RPAP1: variants seen among roughly 807,000 people sequenced by gnomAD.
RPAP1 encodes RNA polymerase II-associated protein 1.
Under a neutral mutation model 142.4 loss-of-function variants are expected in RPAP1, and 109 were observed. The ratio of observed to expected loss-of-function variants is 0.77; its 90% CI spans 0.66 to 0.90. The LOEUF (loss-of-function observed/expected upper bound fraction) is 0.90. Ranked by LOEUF, RPAP1 falls within the 40% of genes least tolerant of loss-of-function variation. RPAP1 has a pLI of 0.00. For missense variants in RPAP1, 1,546 were observed against 1,751.7 expected (o/e 0.88, Z 2.10); for synonymous variants, 704 against 738.9 (o/e 0.95, Z 0.77).
chr15:41,538,628 T>C (rs2051939139), intron 1 of RPAP1, among the ~76,000 whole-genome samples: 1 of 152,244 alleles, frequency 6.6e-6, no homozygotes, highest in South Asian at 2.1e-4. Context: ...TTATGTACTT[T>C]TTAAACTTGT....
chr15:41,543,366 C>T (rs1267393160), intron 1 of RPAP1, among the ~76,000 whole-genome samples: 1 of 151,890 alleles, frequency 6.6e-6, no homozygotes, highest in Non-Finnish European at 1.5e-5. Flanking sequence ...CCTGCCACCA[C>T]GCCCGGCTAA....
chr15:41,523,998 AGTG>A (rs746038259), intron 16 of RPAP1, 26 bp from the exon 17 acceptor site: 1 of 1,613,224 alleles, frequency 6.2e-7, no homozygotes, highest in South Asian at 1.1e-5. Context: ...AGGGTGCCAC[AGTG>A]AGGATCTGGC....
rs1205126423 is a variant in RPAP1 at position 41,520,944 on chromosome 15, A to G, written c.3242T>C (p.Leu1081Pro). ...CAGTAGCAGGGTTGGGACTCGCTGT[A>G]GCTCCCCTCGGTGCAGAGCCTGGGA... ...LASQALHRGELQRVPTLLLPM... is the reference protein window; with the variant it reads ...LASQALHRGEPQRVPTLLLPM... Residue 1081 changes from leucine (L) to proline (P), a missense_variant, in exon 22 of 25, where the codon CTA (leucine) becomes CCA (proline). Leu to Pro is a moderately conservative substitution (Grantham distance 98). This residue lies in a region of RPAP1 where 1,333 missense variants were observed against 1,486.6 expected (regional missense o/e 0.90). Coordinates refer to ENST00000304330, the MANE Select transcript of RPAP1 (RefSeq NM_015540.4). The G allele has an allele frequency of 6.2e-7, 1 of 1,612,138 alleles. No homozygotes were observed. The highest frequency in any genetic ancestry group is 8.5e-7 in the Non-Finnish European group (1 of 1,179,106).
rs2051728209 is a variant in RPAP1, at chr15:41,521,772, G to A, written c.3004C>T (p.Leu1002=). The A allele has an allele frequency of 1.9e-6, 3 of 1,614,206 alleles. No individual in the cohort carries two copies. The highest frequency in any genetic ancestry group is 1.1e-5 in the South Asian group (1 of 91,084). The change falls in exon 21 of 25, where the codon CTG becomes TTG. Residue 1002 remains leucine (L), a synonymous_variant. Coordinates refer to ENST00000304330, the MANE Select transcript of RPAP1 (RefSeq NM_015540.4). Reference sequence around the variant, plus strand: ...TCCAGCCGGAATACACAGCTCAGCAGCAGCTCATGGGTGAGGTACTCACTT... The same window carrying A: ...TCCAGCCGGAATACACAGCTCAGCAACAGCTCATGGGTGAGGTACTCACTT... ...PGSEYLTHEL[L]LSCVFRLEFL... is the part of the protein sequence containing the mutation.
chr15:41,543,182 G>A (rs2051987224), intron 1 of RPAP1, among the ~76,000 whole-genome samples: 1 of 150,000 alleles, frequency 6.7e-6, no homozygotes, highest in Non-Finnish European at 1.5e-5. Context: ...GCGAAATTAG[G>A]CAAATTATCA....
chr15:41,536,154 A>AC lies in RPAP1; in HGVS notation c.394dup (p.Val132GlyfsTer17). 1 of 1,614,158 alleles carries AC rather than the reference A, an allele frequency of 6.2e-7. No homozygotes were observed. Among genetic ancestry groups the AC allele is most frequent in the Non-Finnish European group, 8.5e-7 (1 of 1,180,006 alleles). On this transcript the variant is annotated frameshift_variant, in exon 4 of 25. Transcript: ENST00000304330. LOFTEE classifies it high-confidence loss of function. Reference sequence around the variant, plus strand: ...CTGTGTGTCCCGCGAGCGAAGGAACACAGCAGGGAAAGCAACACCACTGGG... The same window carrying AC: ...CTGTGTGTCCCGCGAGCGAAGGAACACCAGCAGGGAAAGCAACACCACTGGG...
At chr15:41,518,412 G>A in intron 22 of RPAP1, 1 of 431,770 alleles carries the variant, frequency 2.3e-6, no homozygotes, top group Non-Finnish European at 4.1e-6. Context: ...GCCATGTGTA[G>A]TGGGCCACGC....
chr15:41,534,885 G>A lies in RPAP1; in HGVS notation c.592C>T (p.Pro198Ser), dbSNP rs868197966. 6.2e-7 allele frequency: 1 copy of A among 1,614,078 alleles called. No homozygotes were observed. Among genetic ancestry groups the A allele is most frequent in the Non-Finnish European group, 8.5e-7 (1 of 1,180,036 alleles). Residue 198 changes from proline (P) to serine (S), a missense_variant, in exon 6 of 25, where the codon CCT becomes TCT. By Grantham distance (74) the Pro-to-Ser change is moderately conservative (BLOSUM62 -1). This residue lies in a region of RPAP1 where 1,333 missense variants were observed against 1,486.6 expected (regional missense o/e 0.90). Transcript: ENST00000304330. ...CCCTGAAAGCTGTGGCTGCTCCCAG[G>A]AAGCTGGCAGCCCTGGTTCCTAGGA... is the stretch of plus-strand genomic sequence containing the variant. ...PTPRNQGCQL[P>S]GSSHSFQGPN... is the part of the protein sequence containing the mutation.
In RPAP1 at chr15:41,523,368, G is replaced by A; in HGVS notation, c.2437-14C>T. ...GCATGAGCTTGGCTGGTGGACCAAGGAATTCACTGAGCTGATGGCCCAGCC... is the reference window on the plus strand; with the variant it reads ...GCATGAGCTTGGCTGGTGGACCAAGAAATTCACTGAGCTGATGGCCCAGCC... On this transcript the variant is annotated splice_polypyrimidine_tract_variant and intron_variant, in intron 17 of 24. Coordinates refer to ENST00000304330, the MANE Select transcript of RPAP1 (RefSeq NM_015540.4). 1 of 1,505,408 alleles carries A rather than the reference G, an allele frequency of 6.6e-7. No individual in the cohort carries two copies. Among genetic ancestry groups the A allele is most frequent in the South Asian group, 1.2e-5 (1 of 84,552 alleles). 93.3% of individuals were successfully genotyped at this position (1,505,408 alleles called of 1,614,324 possible). A position where few individuals can be genotyped will look rare whatever the true frequency, so the allele number is the denominator to read the frequency against.
intron 10 of RPAP1, 91 bp from the exon 11 acceptor site, chr15:41,528,118 G>A: frequency 1.3e-6 from 2 of 1,536,122 alleles, no homozygotes; most frequent in Admixed American, 1.9e-5. Flanking sequence ...ATGATCCTAG[G>A]TTGTTAAAAG....
At chr15:41,542,606 T>G (rs2051980957) in intron 1 of RPAP1, among the ~76,000 whole-genome samples, 1 of 152,226 alleles carries the variant, frequency 6.6e-6, no homozygotes, top group Non-Finnish European at 1.5e-5. Context: ...GTAAACAGTA[T>G]GAAAATGGAC....
At chr15:41,517,726 ATGAGATCCTGTTGTGGTCTC>A in intron 24 of RPAP1, 35 bp from the exon 25 acceptor site, 8 of 1,613,862 alleles carry the variant, frequency 5.0e-6, no homozygotes, top group Non-Finnish European at 6.8e-6. Flanking sequence ...GAAGTGGGTA[ATGAGATCCTGTTGTGGTCTC>A]TGTCCCCCAA....
rs768364637 is a variant in RPAP1, at chr15:41,524,268, G to A, written c.2076-14C>T. 8.6e-6 allele frequency: 13 copies of A among 1,512,046 alleles called. No individual in the cohort carries two copies. Among genetic ancestry groups the A allele is most frequent in the Non-Finnish European group, 1.2e-5 (13 of 1,130,178 alleles). 93.7% of individuals were successfully genotyped at this position (1,512,046 alleles called of 1,614,324 possible). A position where few individuals can be genotyped will look rare whatever the true frequency, so the allele number is the denominator to read the frequency against. ...GGGTAGAGCTCCCTAGGGAAGAACA[G>A]GGACTGATTTTCACTGTATGAAAGC... On this transcript the variant is annotated splice_polypyrimidine_tract_variant and intron_variant, in intron 15 of 24. Coordinates refer to ENST00000304330, the MANE Select transcript of RPAP1 (RefSeq NM_015540.4).
chr15:41,519,952 TGAGA>T, intron 22 of RPAP1: 1 of 194,480 alleles, frequency 5.1e-6, no homozygotes, highest in Non-Finnish European at 1.1e-5. Flanking sequence ...TTTTCTTTTT[TGAGA>T]CAGGGTCTTG....
In RPAP1 at chr15:41,537,121, A is replaced by G; in HGVS notation, c.5T>C (p.Leu2Pro). The change falls in exon 2 of 25, where the codon CTG becomes CCG. Residue 2 changes from leucine (L) to proline (P), a missense_variant. Leu to Pro is a moderately conservative substitution (Grantham distance 98, BLOSUM62 -3). Transcript: ENST00000304330. ...GGACTCCCCTGGCTTCGGTCTCGAC[A>G]GCATCTTGCTGCTCCAGCTGCCTCC... The part of the protein sequence containing the change: M[L>P]SRPKPGESEV... The G allele has an allele frequency of 6.2e-7, 1 of 1,613,772 alleles. No individual in the cohort carries two copies. The highest frequency in any genetic ancestry group is 8.5e-7 in the Non-Finnish European group (1 of 1,179,862).
In RPAP1 at chr15:41,520,925, C is replaced by T; in HGVS notation, c.3261G>A (p.Leu1087=). The T allele has an allele frequency of 1.2e-6, 2 of 1,613,114 alleles. No individual in the cohort carries two copies. The highest frequency in any genetic ancestry group is 8.5e-7 in the Non-Finnish European group (1 of 1,179,686). ...GCGGCTCCGTAGGCATGGGCAGTAG[C>T]AGGGTTGGGACTCGCTGTAGCTCCC... The part of the protein sequence containing the change: ...HRGELQRVPT[L]LLPMPTEPLL... The change falls in exon 22 of 25, where the codon CTG becomes CTA. Residue 1087 remains leucine, a synonymous_variant. Coordinates refer to ENST00000304330, the MANE Select transcript of RPAP1 (RefSeq NM_015540.4).
rs769605610 is a variant in RPAP1 at position 41,522,094 on chromosome 15, C to G, written c.2895+4G>C. ...AGGAGAACCTGTCAGACAGGGGGAC[C>G]TACCGCTTTCTGGGCCAGAGCGAGT... On this transcript the variant is annotated splice_donor_region_variant and intron_variant, in intron 20 of 24. Coordinates refer to ENST00000304330, the MANE Select transcript of RPAP1 (RefSeq NM_015540.4). 6.2e-7 allele frequency: 1 copy of G among 1,612,904 alleles called. No homozygotes were observed. The highest frequency in any genetic ancestry group is 1.7e-5 in the Admixed American group (1 of 59,974).
intron 7 of RPAP1, among the ~76,000 whole-genome samples, chr15:41,530,290 G>A (rs142142084): frequency 5.3e-4 from 81 of 152,092 alleles, no homozygotes; most frequent in African/African-American, 2.0e-3. Flanking sequence ...TGAAGAAGGA[G>A]GACCACATAT....
chr15:41,541,195 T>C (rs1595490898), intron 1 of RPAP1, among the ~76,000 whole-genome samples: 1 of 150,970 alleles, frequency 6.6e-6, no homozygotes, highest in African/African-American at 2.4e-5. Context: ...CTGAGGTGGG[T>C]GGATCATCTG....
Sources: gnomAD v4.1 joint callset for allele counts (sites outside exome capture counted in the v4.1 genomes callset) on GRCh38, gnomAD v4.1.1 for gene constraint, gnomAD v4.1.1 regional missense constraint, MANE v1.5 for transcripts, NCBI Gene and HGNC (gene_info 2026-07-23, HGNC 2026-07-21) for gene names.